The following GPC3 variants were observed in gnomAD, a reference collection of about 807,000 sequenced individuals.
GPC3 encodes glypican 3.
In GPC3, 3 loss-of-function variants were observed where a neutral mutation model predicts 34.4. The ratio of observed to expected loss-of-function variants is 0.09; its 90% CI spans 0.04 to 0.23. The LOEUF is 0.23. GPC3 is among the 10% of genes least tolerant of loss of function. The pLI, the probability that GPC3 is intolerant of heterozygous loss-of-function variation, is 1.00. For synonymous variants in GPC3, 177 were observed against 174.0 expected (o/e 1.02, Z -0.13); for missense variants, 351 against 445.6 (o/e 0.79, Z 1.91).
At chrX:133,682,503 ACAACATCAACAC>A (rs941847825) in intron 5 of GPC3, among the ~76,000 whole-genome samples, 12 of 111,811 alleles carry the variant, frequency 1.1e-4, no homozygotes, top group African/African-American at 3.9e-4. Flanking sequence ...AATAGTAATG[ACAACATCAACAC>A]CAGCTATCAA....
chrX:133,818,557 C>G (rs963742364), intron 2 of GPC3, among the ~76,000 whole-genome samples: 8 of 111,570 alleles, frequency 7.2e-5, no homozygotes, highest in African/African-American at 2.6e-4. Flanking sequence ...AAGCAGGACT[C>G]CAGCACCAAA....
intron 1 of GPC3, among the ~76,000 whole-genome samples, chrX:133,967,010 G>A (rs1342948420): frequency 2.7e-5 from 3 of 111,831 alleles, no homozygotes; most frequent in African/African-American, 9.7e-5. Flanking sequence ...AGATTTAATG[G>A]AGGAGAAAGT....
chrX:133,908,986 C>T, intron 2 of GPC3, among the ~76,000 whole-genome samples: 1 of 112,039 alleles, frequency 8.9e-6, no homozygotes, highest in Non-Finnish European at 1.9e-5. Context: ...TTGAACTACG[C>T]CACCCAGCTT....
intron 3 of GPC3, among the ~76,000 whole-genome samples, chrX:133,743,430 T>C (rs1287417774): frequency 5.3e-5 from 6 of 112,462 alleles, no homozygotes; most frequent in Admixed American, 9.4e-5. Flanking sequence ...TAAGAAACAG[T>C]CAAGTTAGAA....
At chrX:133,761,633 A>G (rs1001202265) in intron 2 of GPC3, among the ~76,000 whole-genome samples, 8 of 111,938 alleles carry the variant, frequency 7.1e-5, no homozygotes, top group Admixed American at 6.7e-4. Context: ...CCTAAAGGCT[A>G]TTATAGATCA....
rs751487012 is a variant in GPC3, at chrX:133,963,008, A to G, written c.176-9797T>C. Among the ~76,000 whole-genome samples the G allele has an allele frequency of 3.0e-4, 34 of 112,102 alleles. No individual in the cohort carries two copies. The South Asian group carries it at 0.012, about 41-fold the overall frequency. On this transcript the variant is annotated intron_variant, in intron 1 of 7. Coordinates refer to ENST00000370818, the MANE Select transcript of GPC3 (RefSeq NM_004484.4). Reference sequence around the variant, plus strand: ...TGGACTAGCAAATCTAAGTTTCCCAATTGTAGGGTAATCAATATTCACTGA... The same window carrying G: ...TGGACTAGCAAATCTAAGTTTCCCAGTTGTAGGGTAATCAATATTCACTGA...
At chrX:133,548,444 G>A in intron 7 of GPC3, among the ~76,000 whole-genome samples, 1 of 111,430 alleles carries the variant, frequency 9.0e-6, no homozygotes, top group East Asian at 2.8e-4. Flanking sequence ...AAATGGACCT[G>A]AGAACTAAAA....
At chrX:133,556,887 G>A (rs1016064451) in intron 7 of GPC3, among the ~76,000 whole-genome samples, 4 of 107,357 alleles carry the variant, frequency 3.7e-5, no homozygotes, top group African/African-American at 1.0e-4. Flanking sequence ...AAACCTGCAC[G>A]TTGTACACAT....
At chrX:133,950,047 A>G (rs947692206) in intron 2 of GPC3, among the ~76,000 whole-genome samples, 1 of 111,980 alleles carries the variant, frequency 8.9e-6, no homozygotes, top group Non-Finnish European at 1.9e-5. Flanking sequence ...TGTTATCATC[A>G]TAACTATTAT....
At chrX:133,934,235 T>C (rs2076312400) in intron 2 of GPC3, among the ~76,000 whole-genome samples, 1 of 107,561 alleles carries the variant, frequency 9.3e-6, no homozygotes, top group African/African-American at 3.4e-5. Flanking sequence ...TCGCTCTTGT[T>C]GCCAAGGCTG....
chrX:133,578,357 T>G (rs1476356480), intron 7 of GPC3, among the ~76,000 whole-genome samples: 1 of 111,636 alleles, frequency 9.0e-6, no homozygotes, highest in Non-Finnish European at 1.9e-5. Flanking sequence ...TCCCTTCACT[T>G]GCACTCACTT....
intron 3 of GPC3, among the ~76,000 whole-genome samples, chrX:133,708,845 T>A (rs2071239999): frequency 1.8e-5 from 2 of 112,232 alleles, no homozygotes; most frequent in African/African-American, 6.5e-5. Context: ...TATTTAAAAA[T>A]AATGTGTATG....
At chrX:133,908,724 T>C (rs777416245) in intron 2 of GPC3, among the ~76,000 whole-genome samples, 2 of 110,510 alleles carry the variant, frequency 1.8e-5, no homozygotes, top group Non-Finnish European at 3.8e-5. Context: ...CCTAAAATTG[T>C]TTTTGCTTAA....
intron 6 of GPC3, among the ~76,000 whole-genome samples, chrX:133,620,134 C>G (rs2070215479): frequency 9.6e-6 from 1 of 104,013 alleles, no homozygotes; most frequent in African/African-American, 3.6e-5. Context: ...GCAGGAGAAT[C>G]ACTTGAACCC....
intron 2 of GPC3, among the ~76,000 whole-genome samples, chrX:133,944,086 G>GTATATA (rs3040478): frequency 4.6e-5 from 5 of 108,127 alleles, no homozygotes; most frequent in African/African-American, 1.0e-4. Context: ...GAGAGTGTAT[G>GTATATA]TATATATATA....
chrX:133,604,174 A>C (rs2070020780), intron 6 of GPC3, among the ~76,000 whole-genome samples: 1 of 111,520 alleles, frequency 9.0e-6, no homozygotes, highest in Non-Finnish European at 1.9e-5. Context: ...CAAGTTACTG[A>C]GTAAGTAATA....
chrX:133,908,903 C>T (rs1000563921), intron 2 of GPC3, among the ~76,000 whole-genome samples: 7 of 112,184 alleles, frequency 6.2e-5, no homozygotes, highest in African/African-American at 1.6e-4. Flanking sequence ...TGTTAACTTT[C>T]GTCTTGTAAG....
intron 4 of GPC3, among the ~76,000 whole-genome samples, chrX:133,693,369 A>G (rs1347098781): frequency 9.0e-6 from 1 of 111,663 alleles, no homozygotes; most frequent in African/African-American, 3.3e-5. Flanking sequence ...AGAAGTGGAT[A>G]TGTTTAAAAA....
At chrX:133,554,305 T>C (rs1046957187) in intron 7 of GPC3, among the ~76,000 whole-genome samples, 47 of 106,961 alleles carry the variant, frequency 4.4e-4, no homozygotes, top group Non-Finnish European at 1.5e-4. Flanking sequence ...AGCCACTGTA[T>C]CTGGCAATTT....
Sources: gnomAD v4.1 joint callset for allele counts (sites outside exome capture counted in the v4.1 genomes callset) on GRCh38, gnomAD v4.1.1 for gene constraint, MANE v1.5 for transcripts, NCBI Gene and HGNC (gene_info 2026-07-23, HGNC 2026-07-21) for gene names.